Variants in SEC14L3 observed in about 807,000 individuals in gnomAD.
The protein encoded by SEC14L3 is SEC14 like lipid binding 3, also known as SEC14-like protein 3.
A neutral mutation model predicts 57.4 loss-of-function variants in SEC14L3; 56 were observed. That is an observed-to-expected ratio of 0.97 (90% CI 0.79 to 1.22). The LOEUF is 1.22. SEC14L3 is among the 50% of genes most tolerant of loss of function. The pLI, the probability that SEC14L3 is intolerant of heterozygous loss-of-function variation, is 0.00. For missense variants in SEC14L3, 485 were observed against 511.7 expected, an observed-to-expected ratio of 0.95 and a Z score of 0.50; for synonymous variants, 173 against 194.4, an observed-to-expected ratio of 0.89 and a Z score of 0.92.
intron 8 of SEC14L3, among the ~76,000 whole-genome samples, chr22:30,464,247 G>A (rs1935349241): frequency 6.6e-6 from 1 of 152,164 alleles, no homozygotes; most frequent in African/African-American, 2.4e-5. Context: ...GCTTATGAGT[G>A]TTGAAAAGAA....
chr22:30,453,816 C>T (rs1935032079), intron 12 of SEC14L3, among the ~76,000 whole-genome samples: 2 of 152,174 alleles, frequency 1.3e-5, no homozygotes, highest in Non-Finnish European at 2.9e-5. Flanking sequence ...ATAGGGCTGA[C>T]AGCTTACTCT....
downstream of SEC14L3, among the ~76,000 whole-genome samples, chr22:30,455,419 T>G (rs1178629439): frequency 6.6e-6 from 1 of 150,838 alleles, no homozygotes; most frequent in Non-Finnish European, 1.5e-5. Flanking sequence ...CAGCTAATTT[T>G]TATATTTTTG....
intron 5 of SEC14L3, among the ~76,000 whole-genome samples, chr22:30,467,526 G>A (rs1935460752): frequency 6.6e-6 from 1 of 152,132 alleles, no homozygotes; most frequent in African/African-American, 2.4e-5. Flanking sequence ...TTCACTGTCT[G>A]GCTGGGGAGA....
At chr22:30,468,920 AC>A in intron 4 of SEC14L3, 2 of 1,492,796 alleles carry the variant, frequency 1.3e-6, no homozygotes, top group Non-Finnish European at 1.8e-6. Flanking sequence ...AGGCCCTTGG[AC>A]TTCTTAGGTC....
rs183143435 is a variant in SEC14L3, at chr22:30,469,740, A to C, written c.234+279T>G. ...ACCTTGGGCTATGGGACTGTGGGCAAGTTACCTAATTTTTGCTGGGCTTCA... is the reference window on the plus strand; with the variant it reads ...ACCTTGGGCTATGGGACTGTGGGCACGTTACCTAATTTTTGCTGGGCTTCA... On this transcript the variant is annotated intron_variant, in intron 4 of 11. Coordinates refer to ENST00000215812, the MANE Select transcript of SEC14L3 (RefSeq NM_174975.5). 9.5e-4 allele frequency among the ~76,000 whole-genome samples: 145 copies of C among 152,308 alleles called. 1 individual carries two copies. The highest frequency in any genetic ancestry group is 3.4e-3 in the African/African-American group (140 of 41,584).
downstream of SEC14L3, among the ~76,000 whole-genome samples, chr22:30,455,121 A>G (rs866458135): frequency 1.1e-5 from 1 of 90,864 alleles, no homozygotes; most frequent in Non-Finnish European, 2.0e-5. Flanking sequence ...TTAATATTTA[A>G]TATATATTAT....
Position 30,459,752 on chromosome 22 carries a change from T to C in SEC14L3, c.*269A>G. The C allele has an allele frequency of 8.8e-7, 1 of 1,141,922 alleles. No individual in the cohort carries two copies. The highest frequency in any genetic ancestry group is 1.1e-6 in the Non-Finnish European group (1 of 924,640). 70.7% of individuals were successfully genotyped at this position (1,141,922 alleles called of 1,614,324 possible). On this transcript the variant is annotated 3_prime_UTR_variant, in exon 12 of 12. Coordinates refer to ENST00000215812, the MANE Select transcript of SEC14L3 (RefSeq NM_174975.5). ...GAGGACAAAGGCTAGGGGATTCATTTTGCTATTTATTGAGTTTCATGACAC... is the reference window on the plus strand; with the variant it reads ...GAGGACAAAGGCTAGGGGATTCATTCTGCTATTTATTGAGTTTCATGACAC...
At chr22:30,454,014 T>G (rs1482931544) in intron 12 of SEC14L3, among the ~76,000 whole-genome samples, 1 of 152,164 alleles carries the variant, frequency 6.6e-6, no homozygotes, top group Non-Finnish European at 1.5e-5. Flanking sequence ...CTTGTCTTAC[T>G]GTTCTTTCTG....
intron 1 of SEC14L3, among the ~76,000 whole-genome samples, chr22:30,470,849 T>G (rs1013250411): frequency 2.0e-5 from 3 of 152,030 alleles, no homozygotes; most frequent in Non-Finnish European, 4.4e-5. Context: ...AAGAAATCAA[T>G]GGATGAATGG....
chr22:30,462,081 T>TAAG lies in SEC14L3; in HGVS notation c.771+4_771+5insCTT. Reference sequence around the variant, plus strand: ...TCTCTTGTCCCAGGGAAGGGCTCTTTGTACCTTGGTTAAACATTTGGGGTT... The same window carrying TAAG: ...TCTCTTGTCCCAGGGAAGGGCTCTTTAAGGTACCTTGGTTAAACATTTGGGGTT... On this transcript the variant is annotated splice_donor_region_variant and intron_variant, in intron 9 of 11. Transcript: ENST00000215812. 1.2e-6 allele frequency: 2 copies of TAAG among 1,613,918 alleles called. No individual in the cohort carries two copies. The highest frequency in any genetic ancestry group is 1.7e-6 in the Non-Finnish European group (2 of 1,179,908).
At chr22:30,457,037 C>T (rs1057200556), downstream of SEC14L3, among the ~76,000 whole-genome samples, 2 of 152,214 alleles carry the variant, frequency 1.3e-5, no homozygotes, top group African/African-American at 4.8e-5. Context: ...CACTGCTCAT[C>T]TTAGTCCCAA....
In SEC14L3 at chr22:30,459,996, G is replaced by T; in HGVS notation, c.*25C>A. ...AAACAGAGAAATCAAAGGGTTAGGA[G>T]GTCTCTGAGAAATGAGGGAGCCACC... On this transcript the variant is annotated 3_prime_UTR_variant, in exon 12 of 12. Transcript: ENST00000215812. 1 of 1,612,704 alleles carries T rather than the reference G, an allele frequency of 6.2e-7. No homozygotes were observed. Among genetic ancestry groups the T allele is most frequent in the South Asian group, 1.1e-5 (1 of 90,944 alleles).
At chr22:30,455,160 A>G (rs190307594), downstream of SEC14L3, among the ~76,000 whole-genome samples, 21,944 of 96,750 alleles carry the variant, frequency 0.23, 2,884 homozygotes, top group Non-Finnish European at 0.26. Flanking sequence ...ATTATATTTA[A>G]TATTTAATAT....
chr22:30,455,135 T>TAATATTTAATATATTATATTA (rs1935092588), downstream of SEC14L3, among the ~76,000 whole-genome samples: 1 of 96,652 alleles, frequency 1.0e-5, no homozygotes, highest in Non-Finnish European at 1.9e-5. Context: ...ATATTATATT[T>TAATATTTAATATATTATATTA]AATATTTAAT....
At position 30,468,617 on chromosome 22, in the gene SEC14L3, G is replaced by A. The variant is rs758674238; in HGVS notation, c.314C>T (p.Pro105Leu). The change falls in exon 5 of 12, where the codon CCA becomes CTA. Residue 105 changes from proline to leucine, a missense_variant. Physicochemically the swap from Pro to Leu is moderately conservative, Grantham distance 98 (BLOSUM62 -3). Transcript: ENST00000215812. The stretch of plus-strand genomic sequence containing the variant: ...GAAGAGCAACCCCTTGGGATCAAGT[G>A]GCCCAATGATGTCATACCACACGGG... ...GCPVWYDIIG[P>L]LDPKGLLFSV... The A allele has an allele frequency of 6.2e-7, 1 of 1,613,848 alleles. No homozygotes were observed. Among genetic ancestry groups the A allele is most frequent in the Non-Finnish European group, 8.5e-7 (1 of 1,179,948 alleles).
At chr22:30,460,244 G>A in intron 11 of SEC14L3, 102 bp from the exon 12 acceptor site, 2 of 1,521,754 alleles carry the variant, frequency 1.3e-6, no homozygotes, top group Non-Finnish European at 1.8e-6. Flanking sequence ...CACTGGCTTT[G>A]TTTGCCAAGC....
downstream of SEC14L3, among the ~76,000 whole-genome samples, chr22:30,457,680 G>A (rs575674769): frequency 8.5e-6 from 1 of 117,840 alleles, no homozygotes; most frequent in Non-Finnish European, 1.7e-5. Context: ...ACTGCACCTG[G>A]CCATGCTTTT....
downstream of SEC14L3, among the ~76,000 whole-genome samples, chr22:30,454,368 C>T (rs907127046): frequency 2.0e-5 from 3 of 151,590 alleles, no homozygotes; most frequent in Non-Finnish European, 4.4e-5. Context: ...GAGAGACTCT[C>T]TTCTGAGGAG....
chr22:30,470,240 A>G lies in SEC14L3; in HGVS notation c.146T>C (p.Leu49Ser), dbSNP rs1386479181. ...LRWLRARNFD[L>S]QKSEALLRKY... ...GCGGAGCAAAGCCTCCGACTTCTGC[A>G]AGTCAAAATTCCGAGCTGTGGGAAA... is the stretch of plus-strand genomic sequence containing the variant. Residue 49 changes from leucine to serine, a missense_variant, in exon 3 of 12, where the codon TTG becomes TCG. By Grantham distance (145) the Leu-to-Ser change is moderately radical (BLOSUM62 -2). Transcript: ENST00000215812. The G allele has an allele frequency of 6.2e-7, 1 of 1,613,806 alleles. No individual in the cohort carries two copies. The highest frequency in any genetic ancestry group is 1.3e-5 in the African/African-American group (1 of 75,064).
Sources: allele counts gnomAD v4.1 joint callset (sites outside exome capture counted in the v4.1 genomes callset), GRCh38; gene constraint gnomAD v4.1.1; transcripts MANE v1.5; gene names NCBI Gene and HGNC (gene_info 2026-07-23, HGNC 2026-07-21).